Variants in RAB11FIP4 observed in about 807,000 individuals in gnomAD.
RAB11FIP4 encodes rab11 family-interacting protein 4.
Under a neutral mutation model 74.3 loss-of-function variants are expected in RAB11FIP4, and 23 were observed. That is an observed-to-expected ratio of 0.31 (90% CI 0.22 to 0.44). The LOEUF (loss-of-function observed/expected upper bound fraction) is 0.44, where lower values mean the gene tolerates loss of function less well. Among genes scored for constraint, RAB11FIP4 ranks in the 20% least tolerant of loss-of-function variants. RAB11FIP4 has a pLI of 1.00. For synonymous variants in RAB11FIP4, 360 were observed against 359.9 expected (o/e 1.00, Z 0.00); for missense variants, 630 against 863.9 (o/e 0.73, Z 3.39).
At chr17:31,488,186 C>T (rs1235042829) in intron 3 of RAB11FIP4, 9 of 1,084,394 alleles carry the variant, frequency 8.3e-6, no homozygotes, top group South Asian at 4.4e-5. Flanking sequence ...CGCGTCCCCG[C>T]GCGCCGCCGA....
intron 1 of RAB11FIP4, among the ~76,000 whole-genome samples, chr17:31,423,434 C>G (rs549011480): frequency 6.6e-6 from 1 of 152,190 alleles, no homozygotes; most frequent in African/African-American, 2.4e-5. Flanking sequence ...TTGGCATGAT[C>G]ATGGCTCACT....
intron 3 of RAB11FIP4, among the ~76,000 whole-genome samples, chr17:31,475,249 G>A (rs959193032): frequency 2.0e-5 from 3 of 152,094 alleles, no homozygotes. Flanking sequence ...GTGAGTGAGT[G>A]GTGGGAAGCA....
At chr17:31,487,335 G>C (rs2071915021) in intron 3 of RAB11FIP4, among the ~76,000 whole-genome samples, 1 of 152,154 alleles carries the variant, frequency 6.6e-6, no homozygotes, top group Admixed American at 6.5e-5. Context: ...GCCCAGGCTG[G>C]TCTCAAACTC....
intron 1 of RAB11FIP4, among the ~76,000 whole-genome samples, chr17:31,399,888 C>T (rs757381595): frequency 1.1e-4 from 17 of 151,626 alleles, no homozygotes; most frequent in Non-Finnish European, 1.8e-4. Flanking sequence ...ATTAAAAATA[C>T]AAGAATTAGC....
Position 31,536,759 on chromosome 17 carries a change from C to T in RAB11FIP4, c.*5027C>T. The T allele has an allele frequency of 2.6e-6, 1 of 378,998 alleles. No individual in the cohort carries two copies. Among genetic ancestry groups the T allele is most frequent in the Admixed American group, 4.5e-5 (1 of 22,028 alleles). 23.5% of individuals were successfully genotyped at this position (378,998 alleles called of 1,614,324 possible). On this transcript the variant is annotated 3_prime_UTR_variant, in exon 15 of 15. Transcript: ENST00000621161. ...GGGAGAGGCTGGAACCAGGAGCCTG[C>T]CCTACCTGCATGGCAGGACAACTCT...
intron 3 of RAB11FIP4, among the ~76,000 whole-genome samples, chr17:31,436,774 GTT>G (rs2071361937): frequency 6.8e-6 from 1 of 146,122 alleles, no homozygotes; most frequent in Non-Finnish European, 1.5e-5. Flanking sequence ...GTTTTTTTTT[GTT>G]TTTTGTTTTT....
chr17:31,401,887 T>G (rs570730995), intron 1 of RAB11FIP4, among the ~76,000 whole-genome samples: 1 of 152,210 alleles, frequency 6.6e-6, no homozygotes, highest in African/African-American at 2.4e-5. Flanking sequence ...TCTGGCTGAG[T>G]TCTTGTTCAT....
At chr17:31,524,322 C>T (rs2072724973) in intron 9 of RAB11FIP4, 2 of 310,396 alleles carry the variant, frequency 6.4e-6, no homozygotes, top group Admixed American at 8.7e-5. Flanking sequence ...GACGTCCCTT[C>T]CTAGGGACAA....
intron 3 of RAB11FIP4, among the ~76,000 whole-genome samples, chr17:31,437,608 G>A (rs993913042): frequency 2.0e-5 from 3 of 152,202 alleles, no homozygotes; most frequent in African/African-American, 2.4e-5. Context: ...TGTGCCATGC[G>A]TGTATGTTGG....
At chr17:31,464,851 C>G (rs1459234794) in intron 3 of RAB11FIP4, among the ~76,000 whole-genome samples, 22 of 150,990 alleles carry the variant, frequency 1.5e-4, no homozygotes, top group Admixed American at 1.5e-3. Context: ...ACCTCCGCCT[C>G]CCAGGCTCAG....
intron 1 of RAB11FIP4, among the ~76,000 whole-genome samples, chr17:31,399,888 C>G (rs757381595): frequency 6.6e-6 from 1 of 151,626 alleles, no homozygotes; most frequent in African/African-American, 2.4e-5. Context: ...ATTAAAAATA[C>G]AAGAATTAGC....
At chr17:31,448,952 T>C (rs2071496821) in intron 3 of RAB11FIP4, among the ~76,000 whole-genome samples, 1 of 152,136 alleles carries the variant, frequency 6.6e-6, no homozygotes, top group Non-Finnish European at 1.5e-5. Context: ...CAGCCTGATT[T>C]TCAGTGTTGT....
rs2070874486 is a variant in RAB11FIP4 at position 31,391,879 on chromosome 17, C to T, written c.27C>T (p.Gly9=). Reference sequence around the variant, plus strand: ...TGGCGGGCGGCGCGGGCTGGTCGGGCGCCCCCGCGGCTCTGCTGCGCTCCG... The same window carrying T: ...TGGCGGGCGGCGCGGGCTGGTCGGGTGCCCCCGCGGCTCTGCTGCGCTCCG... MAGGAGWS[G]APAALLRSVR... Residue 9 remains glycine, a synonymous_variant, in exon 1 of 15, where the codon GGC becomes GGT. Transcript: ENST00000621161. The T allele has an allele frequency of 2.5e-6, 3 of 1,187,462 alleles. No homozygotes were observed. The highest frequency in any genetic ancestry group is 9.3e-5 in the Admixed American group (2 of 21,564). 73.6% of individuals were successfully genotyped at this position (1,187,462 alleles called of 1,614,324 possible).
chr17:31,428,269 C>T (rs1227872447), intron 1 of RAB11FIP4, among the ~76,000 whole-genome samples: 4 of 152,222 alleles, frequency 2.6e-5, no homozygotes, highest in Non-Finnish European at 4.4e-5. Context: ...GCAGCTGCCA[C>T]GCTGTGGGCA....
chr17:31,451,788 A>C (rs549562880), intron 3 of RAB11FIP4, among the ~76,000 whole-genome samples: 33 of 152,000 alleles, frequency 2.2e-4, no homozygotes, highest in African/African-American at 7.7e-4. Context: ...CTCCTCAGAG[A>C]AGCCTTCCCC....
intron 9 of RAB11FIP4, 42 bp downstream of exon 9, chr17:31,524,038 G>T: frequency 7.1e-7 from 1 of 1,405,788 alleles, no homozygotes; most frequent in Non-Finnish European, 9.9e-7. Flanking sequence ...CGTGACGCTG[G>T]GGAACAAAGG....
At chr17:31,530,247 G>A (rs908159784) in intron 13 of RAB11FIP4, 79 bp from the exon 14 acceptor site, 18 of 1,561,076 alleles carry the variant, frequency 1.2e-5, no homozygotes, top group African/African-American at 6.8e-5. Flanking sequence ...GGTCGGGGAC[G>A]GTGGATGTGG....
intron 3 of RAB11FIP4, among the ~76,000 whole-genome samples, chr17:31,477,230 G>A (rs1395318400): frequency 2.0e-5 from 3 of 152,178 alleles, no homozygotes; most frequent in East Asian, 1.9e-4. Flanking sequence ...AGTCGTCATC[G>A]TCCACTGTCA....
rs1424628535 is a variant in RAB11FIP4 at position 31,404,572 on chromosome 17, CAT to C, written c.159+12564_159+12565del. Among the ~76,000 whole-genome samples the C allele has an allele frequency of 3.3e-5, 5 of 152,230 alleles. No homozygotes were observed. In the East Asian group the frequency reaches 7.7e-4, roughly 23 times the overall value. ...CAAAACGACACGTGACATAGTGTCACATATGTTTGTTAAAATGACCGTTACCA... is the reference window on the plus strand; with the variant it reads ...CAAAACGACACGTGACATAGTGTCACATGTTTGTTAAAATGACCGTTACCA... On this transcript the variant is annotated intron_variant, in intron 1 of 14. Transcript: ENST00000621161.
Sources: allele counts gnomAD v4.1 joint callset (sites outside exome capture counted in the v4.1 genomes callset), GRCh38; gene constraint gnomAD v4.1.1; transcripts MANE v1.5; gene names NCBI Gene and HGNC (gene_info 2026-07-23, HGNC 2026-07-21).